Variants in PXDNL observed in about 807,000 individuals in gnomAD.
PXDNL encodes peroxidasin like, also known as probable oxidoreductase PXDNL.
A neutral mutation model predicts 150.8 loss-of-function variants in PXDNL; 145 were observed. The ratio of observed to expected loss-of-function variants is 0.96; its 90% confidence interval spans 0.84 to 1.10. PXDNL has a LOEUF of 1.10. Among genes scored for constraint, PXDNL ranks in the 50% least tolerant of loss-of-function variants. The pLI, the probability that PXDNL is intolerant of heterozygous loss-of-function variation, is 0.00. For missense variants in PXDNL, 2,087 were observed against 1,873.9 expected (o/e 1.11, Z -2.10); for synonymous variants, 757 against 725.7 (o/e 1.04, Z -0.69).
At chr8:51,508,620 T>C (rs1020638245) in intron 4 of PXDNL, among the ~76,000 whole-genome samples, 2 of 152,078 alleles carry the variant, frequency 1.3e-5, no homozygotes, top group African/African-American at 2.4e-5. Flanking sequence ...GTCCTGAGGC[T>C]TCTCCCTTTT....
At chr8:51,581,158 T>G (rs1005735462) in intron 3 of PXDNL, among the ~76,000 whole-genome samples, 2 of 152,084 alleles carry the variant, frequency 1.3e-5, no homozygotes, top group Non-Finnish European at 2.9e-5. Flanking sequence ...CCTTGGATCA[T>G]TCTGGTTAGG....
chr8:51,543,795 G>C (rs1266682736), intron 4 of PXDNL, among the ~76,000 whole-genome samples: 1 of 151,734 alleles, frequency 6.6e-6, no homozygotes, highest in African/African-American at 2.4e-5. Context: ...GGTCATATGA[G>C]GAACATGGCT....
intron 4 of PXDNL, among the ~76,000 whole-genome samples, chr8:51,548,058 T>C (rs1421518924): frequency 1.9e-5 from 2 of 106,004 alleles, no homozygotes; most frequent in Admixed American, 1.8e-4. Context: ...TTTTGAACAA[T>C]AAAATCATAC....
At chr8:51,655,173 T>G (rs1181991037) in intron 1 of PXDNL, among the ~76,000 whole-genome samples, 1 of 152,216 alleles carries the variant, frequency 6.6e-6, no homozygotes, top group Non-Finnish European at 1.5e-5. Context: ...CTGTTTGAAT[T>G]TAGCAAAAAT....
At chr8:51,671,056 C>A (rs1426384110) in intron 1 of PXDNL, among the ~76,000 whole-genome samples, 1 of 152,122 alleles carries the variant, frequency 6.6e-6, no homozygotes, top group Non-Finnish European at 1.5e-5. Flanking sequence ...TATGCAAAAT[C>A]TTTGTAAAGG....
At chr8:51,766,735 C>CT (rs71550285) in intron 1 of PXDNL, among the ~76,000 whole-genome samples, 9,294 of 148,838 alleles carry the variant, frequency 0.062, 381 homozygotes, top group Non-Finnish European at 0.089. Flanking sequence ...TGTGATGCAT[C>CT]TTTTTTTTAA....
At chr8:51,711,841 T>C (rs990014966) in intron 1 of PXDNL, among the ~76,000 whole-genome samples, 1 of 152,200 alleles carries the variant, frequency 6.6e-6, no homozygotes, top group Non-Finnish European at 1.5e-5. Context: ...TGTCCTTACC[T>C]TATTCTCATT....
intron 1 of PXDNL, among the ~76,000 whole-genome samples, chr8:51,745,072 T>C (rs2036968594): frequency 6.6e-6 from 1 of 152,192 alleles, no homozygotes. Flanking sequence ...ACTGATATAA[T>C]ACTGTTAGTT....
chr8:51,537,923 T>C (rs935855978), intron 4 of PXDNL, among the ~76,000 whole-genome samples: 33 of 152,196 alleles, frequency 2.2e-4, no homozygotes, highest in African/African-American at 8.0e-4. Flanking sequence ...CACTTCCAGC[T>C]AGCATGACAT....
At chr8:51,801,254 G>T (rs1489316041) in intron 1 of PXDNL, among the ~76,000 whole-genome samples, 1 of 152,100 alleles carries the variant, frequency 6.6e-6, no homozygotes, top group Non-Finnish European at 1.5e-5. Flanking sequence ...GGCTTATTAG[G>T]GTGGGGAAAA....
intron 1 of PXDNL, among the ~76,000 whole-genome samples, chr8:51,789,790 C>A (rs920827953): frequency 1.3e-5 from 2 of 151,992 alleles, no homozygotes; most frequent in East Asian, 3.9e-4. Context: ...GGAAAGAGCA[C>A]ACAAAGAAGC....
At chr8:51,618,707 A>G (rs763111631) in intron 2 of PXDNL, among the ~76,000 whole-genome samples, 7 of 152,170 alleles carry the variant, frequency 4.6e-5, no homozygotes, top group Non-Finnish European at 7.3e-5. Flanking sequence ...AGTGACTGAC[A>G]TTTTGTGCTC....
At chr8:51,623,900 C>T (rs1814308963) in intron 2 of PXDNL, among the ~76,000 whole-genome samples, 1 of 151,990 alleles carries the variant, frequency 6.6e-6, no homozygotes, top group Non-Finnish European at 1.5e-5. Context: ...TGGAGACCAG[C>T]CTGGTCAACA....
At chr8:51,467,095 T>A (rs947716705) in intron 8 of PXDNL, among the ~76,000 whole-genome samples, 1 of 152,174 alleles carries the variant, frequency 6.6e-6, no homozygotes, top group African/African-American at 2.4e-5. Context: ...GTCTGTATGT[T>A]AATTACAGCA....
chr8:51,628,573 T>G (rs1221864182), intron 2 of PXDNL, among the ~76,000 whole-genome samples: 1 of 151,648 alleles, frequency 6.6e-6, no homozygotes, highest in African/African-American at 2.4e-5. Context: ...ACCCAGCTAA[T>G]TTTTATATTT....
chr8:51,420,464 A>T (rs1808918098), intron 14 of PXDNL, among the ~76,000 whole-genome samples: 1 of 152,214 alleles, frequency 6.6e-6, no homozygotes, highest in Admixed American at 6.5e-5. Context: ...TTATTAAAAA[A>T]TATTTCTAAC....
At chr8:51,530,145 T>C (rs2130425979) in intron 4 of PXDNL, among the ~76,000 whole-genome samples, 1 of 152,236 alleles carries the variant, frequency 6.6e-6, no homozygotes, top group South Asian at 2.1e-4. Flanking sequence ...CATCTGGAGT[T>C]CATGGCAGAG....
chr8:51,435,369 T>G (rs200132171), intron 12 of PXDNL, among the ~76,000 whole-genome samples: 4 of 151,168 alleles, frequency 2.6e-5, no homozygotes, highest in Admixed American at 2.0e-4. Context: ...GTTTGCTTGT[T>G]TTTGTTTGTT....
Position 51,518,858 on chromosome 8 carries a change from G to A in PXDNL, c.381-19088C>T, listed in dbSNP as rs539912233. Among the ~76,000 whole-genome samples the A allele has an allele frequency of 2.0e-3, 304 of 152,224 alleles. 1 individual carries two copies. Among genetic ancestry groups the A allele is most frequent in the Admixed American group, 3.6e-3 (55 of 15,290 alleles). ...AAATGATGGTAGCAGAAAAACCTGG[G>A]AGGTGATAATTGCAGATGTCACCTA... On this transcript the variant is annotated intron_variant, in intron 4 of 22. Transcript: ENST00000356297.
Sources: gnomAD v4.1 joint callset for allele counts (sites outside exome capture counted in the v4.1 genomes callset) on GRCh38, gnomAD v4.1.1 for gene constraint, MANE v1.5 for transcripts, NCBI Gene and HGNC (gene_info 2026-07-23, HGNC 2026-07-21) for gene names.